LCLAT1: variants seen among roughly 807,000 people sequenced by gnomAD.
LCLAT1 encodes the protein 1-AGP acyltransferase 8.
A neutral mutation model predicts 30.7 loss-of-function variants in LCLAT1; 11 were observed. That is an observed-to-expected ratio of 0.36 (90% CI 0.23 to 0.59). The LOEUF is 0.59. Among genes scored for constraint, LCLAT1 ranks in the 20% least tolerant of loss-of-function variants. LCLAT1 has a pLI of 0.77. For synonymous variants in LCLAT1, 155 were observed against 151.3 expected (o/e 1.02, Z -0.18); for missense variants, 402 against 458.6 (o/e 0.88, Z 1.13).
At chr2:30,575,788 T>C (rs182274135) in intron 5 of LCLAT1, among the ~76,000 whole-genome samples, 1 of 152,306 alleles carries the variant, frequency 6.6e-6, no homozygotes, top group Non-Finnish European at 1.5e-5. Context: ...TTCCTTTATT[T>C]GTATCTCAGT....
chr2:30,597,546 G>C (rs1314104112), intron 5 of LCLAT1, among the ~76,000 whole-genome samples: 1 of 152,196 alleles, frequency 6.6e-6, no homozygotes, highest in Non-Finnish European at 1.5e-5. Context: ...CTTTTGGGCT[G>C]AGGCAGTGGG....
chr2:30,502,794 C>G (rs1347933209), intron 1 of LCLAT1, among the ~76,000 whole-genome samples: 3 of 152,040 alleles, frequency 2.0e-5, no homozygotes. Flanking sequence ...TGGGTTGTTT[C>G]CTCCTTTACT....
intron 5 of LCLAT1, among the ~76,000 whole-genome samples, chr2:30,603,521 C>T (rs773381328): frequency 6.6e-6 from 1 of 151,556 alleles, no homozygotes; most frequent in Non-Finnish European, 1.5e-5. Context: ...TCTGAGCATA[C>T]TCAAATTCTC....
At chr2:30,451,675 T>C (rs919021887) in intron 1 of LCLAT1, among the ~76,000 whole-genome samples, 3 of 121,966 alleles carry the variant, frequency 2.5e-5, no homozygotes, top group Admixed American at 8.8e-5. Context: ...AATTGTGATA[T>C]ATTTATAAGA....
At chr2:30,506,629 A>T (rs1684673036) in intron 1 of LCLAT1, among the ~76,000 whole-genome samples, 1 of 152,182 alleles carries the variant, frequency 6.6e-6, no homozygotes, top group African/African-American at 2.4e-5. Flanking sequence ...TGAGCCTTTG[A>T]GACTCAAAAG....
Position 30,454,729 on chromosome 2 carries a change from G to A in LCLAT1, c.-5+7346G>A, listed in dbSNP as rs952564914. Among the ~76,000 whole-genome samples the A allele has an allele frequency of 4.6e-5, 7 of 152,108 alleles. 1 individual carries two copies. Among genetic ancestry groups the A allele is most frequent in the Admixed American group, 2.0e-4 (3 of 15,278 alleles). On this transcript the variant is annotated intron_variant, in intron 1 of 5. Transcript: ENST00000379509. Reference sequence around the variant, plus strand: ...CTCCCAAAGTGCTGTGATTACAGGCGTGAGCCACTGCACGTGGCCCTAGGT... The same window carrying A: ...CTCCCAAAGTGCTGTGATTACAGGCATGAGCCACTGCACGTGGCCCTAGGT...
intron 1 of LCLAT1, among the ~76,000 whole-genome samples, chr2:30,456,935 G>C (rs1326567480): frequency 6.6e-6 from 1 of 152,186 alleles, no homozygotes; most frequent in Non-Finnish European, 1.5e-5. Context: ...AGAAAATACA[G>C]GGTGGAAATT....
intron 5 of LCLAT1, among the ~76,000 whole-genome samples, chr2:30,630,461 T>C (rs1668715049): frequency 6.6e-6 from 1 of 152,194 alleles, no homozygotes; most frequent in Non-Finnish European, 1.5e-5. Context: ...ATGATTCAAG[T>C]TTTTTTCTTC....
rs191642031 is a variant in LCLAT1 at position 30,511,372 on chromosome 2, C to T, written c.-4-14215C>T. The stretch of plus-strand genomic sequence containing the variant: ...GGTCAGACATCCCAGAGAGTACACT[C>T]CTGTCTTCTGCCTAGGACTGTGCTG... On this transcript the variant is annotated intron_variant, in intron 1 of 5. Coordinates refer to ENST00000379509, the MANE Select transcript of LCLAT1 (RefSeq NM_001002257.3). 3.9e-5 allele frequency among the ~76,000 whole-genome samples: 6 copies of T among 152,330 alleles called. No individual in the cohort carries two copies. The East Asian group carries it at 1.2e-3, about 29-fold the overall frequency.
intron 1 of LCLAT1, among the ~76,000 whole-genome samples, chr2:30,456,811 G>T (rs547188773): frequency 2.2e-4 from 34 of 152,222 alleles, no homozygotes; most frequent in Non-Finnish European, 2.1e-4. Flanking sequence ...TCCCATATTT[G>T]TTTACCTATA....
In LCLAT1 at chr2:30,642,404, T is replaced by C. The variant is rs1237091224; in HGVS notation, c.*1785T>C. ...CTTGTTTTTTCTTTTTCTTTTCTTT[T>C]TTTTTTTTTTTTTTTAAAAAAGCAC... On this transcript the variant is annotated 3_prime_UTR_variant, in exon 6 of 6. Transcript: ENST00000379509. 1 of 137,020 alleles carries C rather than the reference T, an allele frequency of 7.3e-6. No homozygotes were observed. The highest frequency in any genetic ancestry group is 1.5e-5 in the Non-Finnish European group (1 of 65,410). 8.5% of individuals were successfully genotyped at this position (137,020 alleles called of 1,614,324 possible). A position where few individuals can be genotyped will look rare whatever the true frequency, so the allele number is the denominator to read the frequency against.
chr2:30,507,804 A>G (rs1289121548), intron 1 of LCLAT1, among the ~76,000 whole-genome samples: 1 of 152,144 alleles, frequency 6.6e-6, no homozygotes, highest in African/African-American at 2.4e-5. Flanking sequence ...AGAAGAATTT[A>G]TACTTCTTTG....
At chr2:30,474,339 A>G (rs1682945203) in intron 1 of LCLAT1, among the ~76,000 whole-genome samples, 1 of 152,254 alleles carries the variant, frequency 6.6e-6, no homozygotes, top group African/African-American at 2.4e-5. Flanking sequence ...GATAAAGTGT[A>G]GAGGTGTGCT....
At chr2:30,556,197 A>G (rs1664911060) in intron 3 of LCLAT1, among the ~76,000 whole-genome samples, 1 of 152,234 alleles carries the variant, frequency 6.6e-6, no homozygotes, top group Non-Finnish European at 1.5e-5. Flanking sequence ...TGAAGCAGCC[A>G]TGGGCAATAT....
intron 1 of LCLAT1, among the ~76,000 whole-genome samples, chr2:30,506,244 C>T (rs1684653928): frequency 6.6e-6 from 1 of 151,894 alleles, no homozygotes; most frequent in African/African-American, 2.4e-5. Context: ...GTAGTTTGTT[C>T]CTTTCCTGTT....
At position 30,515,035 on chromosome 2, in the gene LCLAT1, C is replaced by T. The variant is rs574818335; in HGVS notation, c.-4-10552C>T. 1.6e-4 allele frequency among the ~76,000 whole-genome samples: 24 copies of T among 152,106 alleles called. No homozygotes were observed. The South Asian group carries it at 2.1e-3, about 13-fold the overall frequency. On this transcript the variant is annotated intron_variant, in intron 1 of 5. Coordinates refer to ENST00000379509, the MANE Select transcript of LCLAT1 (RefSeq NM_001002257.3). ...CTCAGGCCTATGTTGTTGTAACCCC[C>T]GCTCCCCCACTGCCCCCATTGTATA...
intron 1 of LCLAT1, among the ~76,000 whole-genome samples, chr2:30,469,219 C>G (rs1174772706): frequency 6.6e-6 from 1 of 151,746 alleles, no homozygotes; most frequent in Non-Finnish European, 1.5e-5. Context: ...GGTGGTCTTT[C>G]ACGTGCAAAA....
At chr2:30,524,917 C>T (rs947317032) in intron 1 of LCLAT1, among the ~76,000 whole-genome samples, 1 of 151,928 alleles carries the variant, frequency 6.6e-6, no homozygotes, top group Non-Finnish European at 1.5e-5. Context: ...TTGTACTCAA[C>T]TTAGGAAACT....
chr2:30,517,775 GAGAA>G (rs1329670774), intron 1 of LCLAT1, among the ~76,000 whole-genome samples: 6 of 152,236 alleles, frequency 3.9e-5, no homozygotes, highest in Admixed American at 1.3e-4. Flanking sequence ...AAGTCAGAGA[GAGAA>G]AGAAAGAGAA....
Sources: gnomAD v4.1 joint callset for allele counts (sites outside exome capture counted in the v4.1 genomes callset) on GRCh38, gnomAD v4.1.1 for gene constraint, MANE v1.5 for transcripts, NCBI Gene and HGNC (gene_info 2026-07-23, HGNC 2026-07-21) for gene names.